Variants in DSCAM observed in about 807,000 individuals in gnomAD.
The protein encoded by DSCAM is cell adhesion molecule DSCAM.
DSCAM carries 47 observed loss-of-function variants against 217.7 expected under a neutral mutation model. The ratio of observed to expected loss-of-function variants is 0.22; its 90% CI spans 0.17 to 0.28. The LOEUF is 0.28. Among genes scored for constraint, DSCAM ranks in the 10% least tolerant of loss-of-function variants. The pLI, the probability that DSCAM is intolerant of heterozygous loss-of-function variation, is 1.00. For missense variants in DSCAM, 2,080 were observed against 2,618.3 expected (o/e 0.79, Z 4.49); for synonymous variants, 1,056 against 1,015.3 (o/e 1.04, Z -0.76).
At chr21:40,793,568 G>A (rs1279044649) in intron 1 of DSCAM, among the ~76,000 whole-genome samples, 1 of 151,852 alleles carries the variant, frequency 6.6e-6, no homozygotes, top group African/African-American at 2.4e-5. Context: ...TCGGCTCACT[G>A]AAGCCTCTGC....
chr21:40,414,601 T>C (rs931341334), intron 3 of DSCAM, among the ~76,000 whole-genome samples: 1 of 152,242 alleles, frequency 6.6e-6, no homozygotes, highest in African/African-American at 2.4e-5. Flanking sequence ...TCTTTCTTTT[T>C]CTTTAATGTT....
At chr21:40,354,581 G>A (rs2074670067) in intron 4 of DSCAM, among the ~76,000 whole-genome samples, 1 of 151,972 alleles carries the variant, frequency 6.6e-6, no homozygotes, top group African/African-American at 2.4e-5. Flanking sequence ...CGGGCATGGT[G>A]GCTCAGGCCT....
At chr21:40,267,726 A>G (rs548485680) in intron 11 of DSCAM, among the ~76,000 whole-genome samples, 1 of 152,140 alleles carries the variant, frequency 6.6e-6, no homozygotes, top group Middle Eastern at 3.4e-3. Context: ...CTGAAACCCC[A>G]TCTCTACTAA....
At chr21:40,488,209 G>A (rs187524639) in intron 3 of DSCAM, among the ~76,000 whole-genome samples, 7 of 152,356 alleles carry the variant, frequency 4.6e-5, no homozygotes. Context: ...AACAGTGGCT[G>A]GCTGGAGACG....
At chr21:40,842,320 G>A (rs920043257) in intron 1 of DSCAM, among the ~76,000 whole-genome samples, 2 of 152,328 alleles carry the variant, frequency 1.3e-5, no homozygotes, top group Non-Finnish European at 2.9e-5. Context: ...GGTGGGCCAC[G>A]CATGGAAACC....
Position 40,250,677 on chromosome 21 carries a change from G to A in DSCAM, c.2356+25420C>T, listed in dbSNP as rs549431000. The stretch of plus-strand genomic sequence containing the variant: ...TAAGACACTTTCCTGAAGTGGCAGC[G>A]ACAGCTCAGTGAGGGCTGCTGTGCT... On this transcript the variant is annotated intron_variant, in intron 11 of 32. Coordinates refer to ENST00000400454, the MANE Select transcript of DSCAM (RefSeq NM_001389.5). 3.9e-5 allele frequency among the ~76,000 whole-genome samples: 6 copies of A among 152,286 alleles called. No homozygotes were observed. The South Asian group carries it at 6.2e-4, about 16-fold the overall frequency.
At chr21:40,451,635 A>G (rs2145930006) in intron 3 of DSCAM, among the ~76,000 whole-genome samples, 1 of 152,298 alleles carries the variant, frequency 6.6e-6, no homozygotes, top group East Asian at 1.9e-4. Context: ...CACAACAATG[A>G]TAGTAATTTA....
intron 3 of DSCAM, among the ~76,000 whole-genome samples, chr21:40,372,026 T>A (rs1024642118): frequency 6.6e-6 from 1 of 152,176 alleles, no homozygotes; most frequent in African/African-American, 2.4e-5. Flanking sequence ...GTAGGATCTT[T>A]TAATTATGAG....
chr21:40,200,260 T>A (rs553483479), intron 11 of DSCAM, among the ~76,000 whole-genome samples: 2 of 152,234 alleles, frequency 1.3e-5, no homozygotes, highest in South Asian at 2.1e-4. Context: ...TTTTTCTTCT[T>A]CCCAACCTGA....
At position 40,269,761 on chromosome 21, in the gene DSCAM, A is replaced by G. The variant is rs149722828; in HGVS notation, c.2356+6336T>C. ...AGCTATGTTTTCCATCTGTGTCTGC[A>G]CCCAGATTGTCCCCTTTTAATAAGG... On this transcript the variant is annotated intron_variant, in intron 11 of 32. Coordinates refer to ENST00000400454, the MANE Select transcript of DSCAM (RefSeq NM_001389.5). Among the ~76,000 whole-genome samples, 22 of 152,256 alleles carry G rather than the reference A, an allele frequency of 1.4e-4. 1 individual carries two copies. The highest frequency in any genetic ancestry group is 2.2e-4 in the Non-Finnish European group (15 of 68,020).
intron 3 of DSCAM, among the ~76,000 whole-genome samples, chr21:40,449,254 C>A (rs2075700294): frequency 6.6e-6 from 1 of 152,192 alleles, no homozygotes; most frequent in African/African-American, 2.4e-5. Context: ...ACCCTTACTT[C>A]CCTTTTCCCA....
intron 20 of DSCAM, among the ~76,000 whole-genome samples, chr21:40,104,625 C>A (rs1469062463): frequency 1.3e-5 from 2 of 152,126 alleles, no homozygotes; most frequent in Non-Finnish European, 2.9e-5. Flanking sequence ...AATGGTGGAT[C>A]CATGTCATCA....
intron 1 of DSCAM, among the ~76,000 whole-genome samples, chr21:40,713,460 C>T (rs971218696): frequency 2.0e-5 from 3 of 152,162 alleles, no homozygotes; most frequent in Non-Finnish European, 4.4e-5. Flanking sequence ...CCTAACCTCA[C>T]TAAGGAGAGA....
At chr21:40,615,293 A>AAAG (rs1297852567) in intron 3 of DSCAM, 2 of 151,410 alleles carry the variant, frequency 1.3e-5, no homozygotes, top group African/African-American at 2.4e-5. Context: ...AAAAAAAAAA[A>AAAG]AAAAAAGAAA....
intron 28 of DSCAM, among the ~76,000 whole-genome samples, chr21:40,057,442 C>T (rs888146860): frequency 1.3e-5 from 2 of 152,102 alleles, no homozygotes; most frequent in Non-Finnish European, 2.9e-5. Flanking sequence ...TGTGAATATC[C>T]CAAAGATCTG....
chr21:40,532,791 G>C (rs1245343385), intron 3 of DSCAM, among the ~76,000 whole-genome samples: 1 of 152,100 alleles, frequency 6.6e-6, no homozygotes, highest in Admixed American at 6.6e-5. Context: ...GAGAACTTGG[G>C]GTTAGAGAAA....
intron 3 of DSCAM, among the ~76,000 whole-genome samples, chr21:40,533,675 G>GTCCA (rs1191419708): frequency 2.4e-5 from 3 of 123,260 alleles, no homozygotes; most frequent in East Asian, 2.4e-4. Flanking sequence ...TCATCCATCT[G>GTCCA]TCCATCCATC....
At chr21:40,728,352 CAATTA>C (rs1218319137) in intron 1 of DSCAM, among the ~76,000 whole-genome samples, 3 of 151,938 alleles carry the variant, frequency 2.0e-5, no homozygotes, top group Admixed American at 6.6e-5. Flanking sequence ...AGGCTAAATT[CAATTA>C]AATATCAATA....
At chr21:40,726,687 T>C (rs1404315364) in intron 1 of DSCAM, among the ~76,000 whole-genome samples, 1 of 152,108 alleles carries the variant, frequency 6.6e-6, no homozygotes, top group East Asian at 1.9e-4. Flanking sequence ...CGCAGCACAA[T>C]TTGTCTGATT....
Sources: allele counts gnomAD v4.1 joint callset (sites outside exome capture counted in the v4.1 genomes callset), GRCh38; gene constraint gnomAD v4.1.1; transcripts MANE v1.5; gene names NCBI Gene and HGNC (gene_info 2026-07-23, HGNC 2026-07-21).